The following BMPR1B variants were observed in gnomAD, a reference collection of about 807,000 sequenced individuals.
BMPR1B encodes the protein bone morphogenetic protein receptor type 1B, also known as bone morphogenetic protein receptor type-1B.
BMPR1B carries 12 observed loss-of-function variants against 59.1 expected under a neutral mutation model. The ratio of observed to expected loss-of-function variants is 0.20; its 90% confidence interval spans 0.13 to 0.33. The LOEUF is 0.33. Ranked by LOEUF, BMPR1B falls within the 10% of genes least tolerant of loss-of-function variation. The pLI, the probability that BMPR1B is intolerant of heterozygous loss-of-function variation, is 1.00. For synonymous variants in BMPR1B, 237 were observed against 207.3 expected (o/e 1.14, Z -1.23); for missense variants, 550 against 610.9 (o/e 0.90, Z 1.05).
chr4:94,819,365 A>C (rs934398640), intron 1 of BMPR1B, among the ~76,000 whole-genome samples: 1 of 152,226 alleles, frequency 6.6e-6, no homozygotes, highest in Non-Finnish European at 1.5e-5. Context: ...CAATATAAGC[A>C]GCTCATGAAC....
chr4:95,011,969 A>C (rs977246960), intron 3 of BMPR1B, among the ~76,000 whole-genome samples: 1 of 152,036 alleles, frequency 6.6e-6, no homozygotes, highest in African/African-American at 2.4e-5. Flanking sequence ...CAGTGAGCCA[A>C]GATCCCACCA....
At chr4:95,133,404 T>G (rs972042980) in intron 10 of BMPR1B, among the ~76,000 whole-genome samples, 2 of 152,298 alleles carry the variant, frequency 1.3e-5, no homozygotes, top group South Asian at 2.1e-4. Context: ...TCTTCTGCCC[T>G]ATTTCCACCA....
chr4:94,975,918 A>G (rs1731016675), intron 2 of BMPR1B, among the ~76,000 whole-genome samples: 1 of 152,208 alleles, frequency 6.6e-6, no homozygotes, highest in Non-Finnish European at 1.5e-5. Flanking sequence ...TTCTATCTGT[A>G]TAACAGGTCA....
rs115842048 is a variant in BMPR1B, at chr4:94,951,517, T to C, written c.-112-44523T>C. Among the ~76,000 whole-genome samples, 1,203 of 152,286 alleles carry C rather than the reference T, an allele frequency of 7.9e-3. 14 individuals carry two copies. Among genetic ancestry groups the C allele is most frequent in the African/African-American group, 0.027 (1,136 of 41,558 alleles). On this transcript the variant is annotated intron_variant, in intron 2 of 12. Transcript: ENST00000515059. ...AATTTAATCGAAGGCCTTTTCTGCA[T>C]CTGTTGAGGTAATTACGTGCTTTTT... is the stretch of plus-strand genomic sequence containing the variant.
At chr4:94,932,474 TAA>T (rs1729128051) in intron 2 of BMPR1B, among the ~76,000 whole-genome samples, 1 of 152,170 alleles carries the variant, frequency 6.6e-6, no homozygotes, top group Admixed American at 6.6e-5. Flanking sequence ...AATGCTATTT[TAA>T]AAAACTTGCA....
chr4:94,873,993 G>A (rs556837757), intron 1 of BMPR1B, among the ~76,000 whole-genome samples: 1 of 152,180 alleles, frequency 6.6e-6, no homozygotes, highest in Non-Finnish European at 1.5e-5. Context: ...GAGTACTTTA[G>A]ATACCTCATG....
chr4:95,097,116 A>C (rs1043337872), intron 3 of BMPR1B, among the ~76,000 whole-genome samples: 1 of 114,734 alleles, frequency 8.7e-6, no homozygotes, highest in Non-Finnish European at 1.8e-5. Flanking sequence ...TAAAACTATA[A>C]TTTATATATT....
At chr4:95,057,122 T>C (rs1434873649) in intron 3 of BMPR1B, among the ~76,000 whole-genome samples, 1 of 152,234 alleles carries the variant, frequency 6.6e-6, no homozygotes, top group African/African-American at 2.4e-5. Flanking sequence ...AGCACAGGCT[T>C]GGTGTATAGA....
chr4:94,785,922 T>A (rs1252054365), intron 1 of BMPR1B, among the ~76,000 whole-genome samples: 1 of 152,204 alleles, frequency 6.6e-6, no homozygotes, highest in East Asian at 1.9e-4. Context: ...TTCTCTGGAT[T>A]CTATATAGTG....
chr4:95,064,305 T>C (rs920955312), intron 3 of BMPR1B, among the ~76,000 whole-genome samples: 1 of 152,188 alleles, frequency 6.6e-6, no homozygotes, highest in Admixed American at 6.5e-5. Context: ...AAGTGAGCAG[T>C]TGGCAAGTGA....
intron 2 of BMPR1B, among the ~76,000 whole-genome samples, chr4:94,944,471 A>G (rs949606414): frequency 1.3e-5 from 2 of 152,180 alleles, no homozygotes; most frequent in Admixed American, 6.5e-5. Context: ...TCAATAATGC[A>G]TTATTGATTT....
chr4:94,952,424 T>G (rs1042599332), intron 2 of BMPR1B, among the ~76,000 whole-genome samples: 2 of 152,108 alleles, frequency 1.3e-5, no homozygotes, highest in African/African-American at 4.8e-5. Flanking sequence ...TCTAAACACT[T>G]CTTTAGCTGT....
chr4:94,768,689 A>C (rs1272642674), intron 1 of BMPR1B, among the ~76,000 whole-genome samples: 1 of 151,608 alleles, frequency 6.6e-6, no homozygotes, highest in Non-Finnish European at 1.5e-5. Context: ...TGGAATGATG[A>C]TTTGGTATTT....
intron 1 of BMPR1B, among the ~76,000 whole-genome samples, chr4:94,854,097 C>A (rs917702560): frequency 2.1e-5 from 3 of 145,634 alleles, no homozygotes; most frequent in African/African-American, 7.9e-5. Flanking sequence ...GGGCTATCTT[C>A]ATATATTTGA....
chr4:95,151,048 T>C (rs1447823539), intron 11 of BMPR1B, among the ~76,000 whole-genome samples: 1 of 152,208 alleles, frequency 6.6e-6, no homozygotes, highest in Non-Finnish European at 1.5e-5. Context: ...TATTAGAAGT[T>C]TTTTGGGCTT....
intron 2 of BMPR1B, among the ~76,000 whole-genome samples, chr4:94,898,303 A>T (rs1727668145): frequency 6.6e-6 from 1 of 152,028 alleles, no homozygotes; most frequent in Non-Finnish European, 1.5e-5. Context: ...TTTGCTACTT[A>T]GACTAGATAT....
rs761877170 is a variant in BMPR1B, at chr4:94,852,067, GCAAA to G, written c.-182-23761_-182-23758del. ...ATTATTCAGGTAACTTGTGCTAAAG[GCAAA>G]CACATTTTCCCTTACCTGTTTGTAT... is the stretch of plus-strand genomic sequence containing the variant. On this transcript the variant is annotated intron_variant, in intron 1 of 12. Coordinates refer to ENST00000515059, the MANE Select transcript of BMPR1B (RefSeq NM_001203.3). Among the ~76,000 whole-genome samples the G allele has an allele frequency of 2.4e-3, 361 of 152,202 alleles. 3 individuals carry two copies. The highest frequency in any genetic ancestry group is 1.6e-3 in the Non-Finnish European group (112 of 67,994).
chr4:95,042,135 C>T lies in BMPR1B; in HGVS notation c.-18+46001C>T, dbSNP rs563746664. Among the ~76,000 whole-genome samples the T allele has an allele frequency of 1.7e-3, 256 of 152,278 alleles. 2 individuals are homozygous for T. Among genetic ancestry groups the T allele is most frequent in the African/African-American group, 5.9e-3 (247 of 41,562 alleles). ...CCTCCCAAAGTGCTGGGATTACAGG[C>T]GTGAGCCACCATGCCCAGCCAATCC... is the stretch of plus-strand genomic sequence containing the variant. On this transcript the variant is annotated intron_variant, in intron 3 of 12. Coordinates refer to ENST00000515059, the MANE Select transcript of BMPR1B (RefSeq NM_001203.3).
At chr4:95,065,798 A>G (rs1727754930) in intron 3 of BMPR1B, among the ~76,000 whole-genome samples, 1 of 152,132 alleles carries the variant, frequency 6.6e-6, no homozygotes, top group South Asian at 2.1e-4. Flanking sequence ...TGCAACTAGG[A>G]GTCCTGCAAT....
Sources: allele counts gnomAD v4.1 joint callset (sites outside exome capture counted in the v4.1 genomes callset), GRCh38; gene constraint gnomAD v4.1.1; transcripts MANE v1.5; gene names NCBI Gene and HGNC (gene_info 2026-07-23, HGNC 2026-07-21).